Variants in TAX1BP1 observed in about 807,000 individuals in gnomAD.
The protein encoded by TAX1BP1 is tax1-binding protein 1.
TAX1BP1 carries 62 observed loss-of-function variants against 97.7 expected under a neutral mutation model. The observed-to-expected ratio is 0.63, with a 90% CI of 0.52 to 0.78. The LOEUF is 0.78. Ranked by LOEUF, TAX1BP1 falls within the 30% of genes least tolerant of loss-of-function variation. TAX1BP1 has a pLI of 0.00. For missense variants in TAX1BP1, 867 were observed against 916.1 expected, an observed-to-expected ratio of 0.95 and a Z score of 0.69; for synonymous variants, 340 against 304.2, an observed-to-expected ratio of 1.12 and a Z score of -1.23.
intron 10 of TAX1BP1, 71 bp from the exon 11 acceptor site, chr7:27,794,252 C>T (rs989238561): frequency 3.9e-5 from 50 of 1,274,360 alleles, no homozygotes; most frequent in Admixed American, 6.9e-5. Flanking sequence ...ATATTATTTA[C>T]TTAGTTACTG....
At chr7:27,778,695 T>C (rs964490828) in intron 5 of TAX1BP1, among the ~76,000 whole-genome samples, 1 of 152,048 alleles carries the variant, frequency 6.6e-6, no homozygotes, top group Non-Finnish European at 1.5e-5. Flanking sequence ...AAACCTCGTC[T>C]CTACTAAAAA....
In TAX1BP1 at chr7:27,828,646, G is replaced by T. The variant is rs947219236; in HGVS notation, c.2187G>T (p.Lys729Asn). Reference sequence around the variant, plus strand: ...CTTTAAGCTTTGATGTTCACAAGAAGTGTCCCCTCTGTGAGTTAATGTTTC... The same window carrying T: ...CTTTAAGCTTTGATGTTCACAAGAATTGTCCCCTCTGTGAGTTAATGTTTC... ...CFDSSFDVHK[K>N]CPLCELMFPP... The change falls in exon 17 of 17, where the codon AAG becomes AAT. Residue 729 changes from lysine to asparagine, a missense_variant. Lys to Asn is a moderately conservative substitution (Grantham distance 94). Coordinates refer to ENST00000396319, the MANE Select transcript of TAX1BP1 (RefSeq NM_006024.7). The T allele has an allele frequency of 6.2e-7, 1 of 1,613,850 alleles. No homozygotes were observed. The highest frequency in any genetic ancestry group is 1.1e-5 in the South Asian group (1 of 91,064).
At chr7:27,741,800 G>A (rs1317228495) in intron 1 of TAX1BP1, among the ~76,000 whole-genome samples, 3 of 152,052 alleles carry the variant, frequency 2.0e-5, no homozygotes, top group Non-Finnish European at 2.9e-5. Flanking sequence ...GGAGGATCCC[G>A]CCAGCCTCTG....
chr7:27,803,796 G>A (rs969951614), intron 13 of TAX1BP1, among the ~76,000 whole-genome samples: 5 of 152,202 alleles, frequency 3.3e-5, no homozygotes, highest in African/African-American at 1.2e-4. Context: ...TAAACGGAAA[G>A]TACCCCTAAA....
At chr7:27,764,499 C>T (rs928662711) in intron 3 of TAX1BP1, among the ~76,000 whole-genome samples, 4 of 152,152 alleles carry the variant, frequency 2.6e-5, no homozygotes, top group Non-Finnish European at 5.9e-5. Context: ...GATGTCCATA[C>T]ATCTTATTAC....
rs758701286 is a variant in TAX1BP1, at chr7:27,787,478, AAAAATTT to A, written c.915_921del (p.Asn306MetfsTer7). 1 of 1,613,626 alleles carries A rather than the reference AAAAATTT, an allele frequency of 6.2e-7. No individual in the cohort carries two copies. Among genetic ancestry groups the A allele is most frequent in the Non-Finnish European group, 8.5e-7 (1 of 1,179,724 alleles). On this transcript the variant is annotated frameshift_variant, in exon 8 of 17. Coordinates refer to ENST00000396319, the MANE Select transcript of TAX1BP1 (RefSeq NM_006024.7). LOFTEE classifies it high-confidence loss of function. ...GCTTATGTCAGAGGTCCAGACTTTA[AAAAATTT>A]AGATGGGAACAAAGAAAGCGTGATT...
chr7:27,807,801 G>A (rs1184146525), intron 13 of TAX1BP1, among the ~76,000 whole-genome samples: 4 of 151,842 alleles, frequency 2.6e-5, no homozygotes, highest in Non-Finnish European at 5.9e-5. Context: ...GAATTTTTCT[G>A]TAAGAGCTAT....
chr7:27,820,479 C>T (rs1488932425), intron 15 of TAX1BP1, among the ~76,000 whole-genome samples: 2 of 152,126 alleles, frequency 1.3e-5, no homozygotes, highest in African/African-American at 4.8e-5. Flanking sequence ...TTTTGCCTTT[C>T]TCAAACTTGC....
chr7:27,828,737 T>G lies in TAX1BP1; in HGVS notation c.2278T>G (p.Cys760Gly), dbSNP rs1285467214. The change falls in exon 17 of 17, where the codon TGC becomes GGC. Residue 760 changes from cysteine to glycine, a missense_variant. Physicochemically the swap from Cys to Gly is radical, Grantham distance 159. This residue lies in a region of TAX1BP1 where 11 missense variants were observed against 31.4 expected (regional missense o/e 0.35). Transcript: ENST00000396319. ...VESHWKVCPMCSEQFPPDYDQ... is the reference protein window; with the variant it reads ...VESHWKVCPMGSEQFPPDYDQ... Reference sequence around the variant, plus strand: ...AAGTCACTGGAAGGTGTGCCCGATGTGCAGCGAGCAGTTCCCTCCTGACTA... The same window carrying G: ...AAGTCACTGGAAGGTGTGCCCGATGGGCAGCGAGCAGTTCCCTCCTGACTA... 1 of 1,614,158 alleles carries G rather than the reference T, an allele frequency of 6.2e-7. No homozygotes were observed. Among genetic ancestry groups the G allele is most frequent in the East Asian group, 2.2e-5 (1 of 44,886 alleles).
chr7:27,816,711 A>C (rs1219485457), intron 14 of TAX1BP1, among the ~76,000 whole-genome samples, 179 bp from the exon 15 acceptor site: 1 of 152,220 alleles, frequency 6.6e-6, no homozygotes, highest in Non-Finnish European at 1.5e-5. Context: ...TGAGATGAGT[A>C]CTTTATTTAC....
chr7:27,784,251 AAAT>A (rs1428315411), intron 5 of TAX1BP1, among the ~76,000 whole-genome samples: 1 of 152,262 alleles, frequency 6.6e-6, no homozygotes, highest in South Asian at 2.1e-4. Flanking sequence ...TCTTTAATAA[AAAT>A]AATTTTATCT....
intron 13 of TAX1BP1, chr7:27,803,218 G>T: frequency 1.4e-6 from 2 of 1,453,844 alleles, no homozygotes; most frequent in Non-Finnish European, 1.8e-6. Flanking sequence ...TGTATCACAT[G>T]AAACTGAATA....
chr7:27,806,450 G>C (rs1403534279), intron 13 of TAX1BP1, among the ~76,000 whole-genome samples: 1 of 151,714 alleles, frequency 6.6e-6, no homozygotes, highest in Non-Finnish European at 1.5e-5. Context: ...CAGAAGGAAT[G>C]CATCTAAGTT....
chr7:27,763,989 A>G (rs941613319), intron 3 of TAX1BP1, among the ~76,000 whole-genome samples: 2 of 152,202 alleles, frequency 1.3e-5, no homozygotes, highest in African/African-American at 4.8e-5. Flanking sequence ...ATACATGTCT[A>G]TGATATTTAT....
At chr7:27,771,803 A>AT (rs1361762517) in intron 5 of TAX1BP1, 1 of 152,048 alleles carries the variant, frequency 6.6e-6, no homozygotes, top group Non-Finnish European at 1.5e-5. Flanking sequence ...CTTGAAAGTG[A>AT]TTTTTTAAAT....
At chr7:27,748,480 G>T in intron 1 of TAX1BP1, 38 bp from the exon 2 acceptor site, 1 of 1,420,312 alleles carries the variant, frequency 7.0e-7, no homozygotes, top group South Asian at 1.7e-5. Flanking sequence ...TTTATTCTTA[G>T]TTGGTATAAT....
chr7:27,755,993 CA>C (rs1788196753), intron 2 of TAX1BP1, among the ~76,000 whole-genome samples: 1 of 152,098 alleles, frequency 6.6e-6, no homozygotes, highest in South Asian at 2.1e-4. Flanking sequence ...GACTAAAAGA[CA>C]AGATTTCTTG....
intron 3 of TAX1BP1, among the ~76,000 whole-genome samples, chr7:27,764,346 G>A (rs1286970718): frequency 3.3e-5 from 5 of 152,062 alleles, no homozygotes; most frequent in Non-Finnish European, 4.4e-5. Context: ...GCATTTTGTG[G>A]TGTTGTTTGT....
In TAX1BP1 at chr7:27,779,777, C is replaced by T. The variant is rs142310482; in HGVS notation, c.613-5386C>T. ...CGCAGATTTGCTTTGCATGATTATT[C>T]GGGGGCCTTGTTACCTTTTATATCA... On this transcript the variant is annotated intron_variant, in intron 5 of 16. Coordinates refer to ENST00000396319, the MANE Select transcript of TAX1BP1 (RefSeq NM_006024.7). 3.6e-3 allele frequency among the ~76,000 whole-genome samples: 544 copies of T among 152,124 alleles called. 8 individuals carry two copies. The highest frequency in any genetic ancestry group is 0.012 in the African/African-American group (513 of 41,498).
Sources: allele counts gnomAD v4.1 joint callset (sites outside exome capture counted in the v4.1 genomes callset), GRCh38; gene constraint gnomAD v4.1.1; regional missense constraint gnomAD v4.1.1; transcripts MANE v1.5; gene names NCBI Gene and HGNC (gene_info 2026-07-23, HGNC 2026-07-21).